The following ZNF254 variants were observed in gnomAD, a reference collection of about 807,000 sequenced individuals.
ZNF254 encodes zinc finger protein 254, also known as CTD-2017D11.1.
Under a neutral mutation model 12.4 loss-of-function variants are expected in ZNF254, and 10 were observed. The observed-to-expected ratio is 0.80, with a 90% CI of 0.50 to 1.36. The LOEUF (loss-of-function observed/expected upper bound fraction) is 1.36, where lower values mean the gene tolerates loss of function less well. Ranked by LOEUF, ZNF254 falls within the 40% of genes most tolerant of loss-of-function variation. ZNF254 has a pLI of 0.00. For synonymous variants in ZNF254, 305 were observed against 253.4 expected, an observed-to-expected ratio of 1.20 and a Z score of -1.93; for missense variants, 996 against 763.9, an observed-to-expected ratio of 1.30 and a Z score of -3.58.
At position 24,127,237 on chromosome 19, in the gene ZNF254, A is replaced by T; in HGVS notation, c.1237A>T (p.Lys413Ter). ...EKLYKCEECGKGFNRSSNLTT... is the reference protein window; with the variant it reads ...EKLYKCEECG The stretch of plus-strand genomic sequence containing the variant: ...ACTCTACAAATGTGAAGAATGCGGC[A>T]AAGGTTTTAATCGATCTTCAAATCT... The change falls in exon 4 of 4, where the codon AAA becomes TAA. Residue 413 changes from lysine (K) to a stop codon, truncating the protein, a stop_gained. Transcript: ENST00000357002. LOFTEE classifies it low-confidence loss of function (END_TRUNC). The T allele has an allele frequency of 3.1e-6, 5 of 1,613,106 alleles. No homozygotes were observed. The highest frequency in any genetic ancestry group is 4.2e-6 in the Non-Finnish European group (5 of 1,179,612).
At chr19:24,081,851 A>C (rs372319414) in intron 2 of ZNF254, among the ~76,000 whole-genome samples, 9 of 152,366 alleles carry the variant, frequency 5.9e-5, no homozygotes, top group African/African-American at 2.2e-4. Context: ...CGATGGGTAC[A>C]GTATCTCACG....
At chr19:24,064,983 T>C (rs924941707) in intron 2 of ZNF254, among the ~76,000 whole-genome samples, 11 of 152,154 alleles carry the variant, frequency 7.2e-5, no homozygotes, top group Admixed American at 1.3e-4. Flanking sequence ...AAAGAAAAAT[T>C]TGTGGCAGAT....
chr19:24,076,476 G>A (rs1448322937), intron 2 of ZNF254, among the ~76,000 whole-genome samples: 2 of 152,128 alleles, frequency 1.3e-5, no homozygotes, highest in African/African-American at 4.8e-5. Flanking sequence ...GCTAAGTAAA[G>A]TGTATCTTGT....
chr19:24,073,534 C>T (rs1393401318), intron 2 of ZNF254, among the ~76,000 whole-genome samples: 1 of 152,174 alleles, frequency 6.6e-6, no homozygotes, highest in Non-Finnish European at 1.5e-5. Flanking sequence ...CATTGTGACA[C>T]ATGCACACCC....
chr19:24,106,800 C>A, intron 3 of ZNF254, 157 bp downstream of exon 3: 1 of 498,058 alleles, frequency 2.0e-6, no homozygotes, highest in South Asian at 2.5e-5. Context: ...ATAGGGGCAT[C>A]TTCTGCTTAT....
chr19:24,122,518 C>G (rs748028358), intron 3 of ZNF254, among the ~76,000 whole-genome samples: 14 of 152,188 alleles, frequency 9.2e-5, no homozygotes, highest in Non-Finnish European at 1.5e-4. Flanking sequence ...AACCACCATG[C>G]CTGGCCCCAA....
intron 3 of ZNF254, among the ~76,000 whole-genome samples, chr19:24,113,516 G>A (rs1228894211): frequency 1.3e-5 from 2 of 152,094 alleles, no homozygotes; most frequent in East Asian, 3.9e-4. Context: ...AATAAATTAG[G>A]TATTGATGTG....
intron 2 of ZNF254, among the ~76,000 whole-genome samples, chr19:24,049,214 A>ATATATATATTTT (rs1160333151): frequency 9.8e-5 from 4 of 40,856 alleles, no homozygotes; most frequent in Admixed American, 3.8e-4. Flanking sequence ...ATATATATAT[A>ATATATATATTTT]TTTTTTTTTT....
intron 1 of ZNF254, among the ~76,000 whole-genome samples, chr19:24,040,298 G>C (rs1399064635): frequency 6.6e-6 from 1 of 152,260 alleles, no homozygotes; most frequent in African/African-American, 2.4e-5. Flanking sequence ...CTGGAGCTCA[G>C]AATTTTTCCA....
chr19:24,115,770 G>A (rs1386303060), intron 3 of ZNF254, among the ~76,000 whole-genome samples: 1 of 152,148 alleles, frequency 6.6e-6, no homozygotes, highest in Non-Finnish European at 1.5e-5. Context: ...CTCGTTAGTT[G>A]ATGCAGTGTC....
chr19:24,113,713 G>T (rs1029697360), intron 3 of ZNF254, among the ~76,000 whole-genome samples: 1 of 152,068 alleles, frequency 6.6e-6, no homozygotes, highest in Non-Finnish European at 1.5e-5. Context: ...GGAAATAAAG[G>T]GTATTCAATT....
Position 24,127,337 on chromosome 19 carries a change from C to T in ZNF254, c.1337C>T (p.Ser446Phe). 6.2e-7 allele frequency: 1 copy of T among 1,613,522 alleles called. No homozygotes were observed. Among genetic ancestry groups the T allele is most frequent in the Non-Finnish European group, 8.5e-7 (1 of 1,179,782 alleles). The change falls in exon 4 of 4, where the codon TCC (serine) becomes TTC (phenylalanine). Residue 446 changes from serine to phenylalanine, a missense_variant. Coordinates refer to ENST00000357002, the MANE Select transcript of ZNF254 (RefSeq NM_203282.4). ...GAATGTGGCAAAGCATTTATCTGGT[C>T]CTCAACCCTTACTAAACATAAGAGA... ...CEECGKAFIW[S>F]STLTKHKRIH...
rs1975036717 is a variant in ZNF254 at position 24,128,273 on chromosome 19, T to C, written c.*293T>C. 3.3e-6 allele frequency: 1 copy of C among 304,208 alleles called. No homozygotes were observed. The highest frequency in any genetic ancestry group is 6.0e-6 in the Non-Finnish European group (1 of 166,930). The allele number at this position is 304,208 out of a possible 1,614,324, so 18.8% of individuals were successfully genotyped here. On this transcript the variant is annotated 3_prime_UTR_variant, in exon 4 of 4. Coordinates refer to ENST00000357002, the MANE Select transcript of ZNF254 (RefSeq NM_203282.4). ...ACCCTATTGCACAGGAAAGCATTTA[T>C]ACTTGAGAAGAAATGTACAAATATT...
At chr19:24,041,948 A>T (rs2145205955) in intron 1 of ZNF254, among the ~76,000 whole-genome samples, 1 of 151,962 alleles carries the variant, frequency 6.6e-6, no homozygotes, top group East Asian at 1.9e-4. Flanking sequence ...GGGATTGTAA[A>T]TACACCAATC....
intron 1 of ZNF254, among the ~76,000 whole-genome samples, chr19:24,101,177 T>C (rs923139702): frequency 6.6e-6 from 1 of 152,128 alleles, no homozygotes; most frequent in African/African-American, 2.4e-5. Context: ...AAATATTATT[T>C]AGAATTTTCT....
exon 1 of ZNF254, chr19:24,033,521 G>C: frequency 4.5e-6 from 1 of 224,234 alleles, no homozygotes; most frequent in South Asian, 4.6e-5. Context: ...TCCACCTCGG[G>C]AGCCCCTGGG....
At chr19:24,083,092 T>G (rs548948259), upstream of ZNF254, among the ~76,000 whole-genome samples, 1 of 152,268 alleles carries the variant, frequency 6.6e-6, no homozygotes, top group African/African-American at 2.4e-5. Context: ...AAAAAGCATC[T>G]AGATCTGATC....
At chr19:24,039,373 T>C (rs569424349) in intron 1 of ZNF254, among the ~76,000 whole-genome samples, 143 of 152,318 alleles carry the variant, frequency 9.4e-4, no homozygotes, top group African/African-American at 3.3e-3. Flanking sequence ...TGCAACCCCA[T>C]CTCCTATGTG....
At chr19:24,073,094 A>G (rs1568439459) in intron 2 of ZNF254, among the ~76,000 whole-genome samples, 1 of 152,230 alleles carries the variant, frequency 6.6e-6, no homozygotes, top group Non-Finnish European at 1.5e-5. Flanking sequence ...CATTTTATAT[A>G]AAGTCTTTGG....
Sources: gnomAD v4.1 joint callset for allele counts (sites outside exome capture counted in the v4.1 genomes callset) on GRCh38, gnomAD v4.1.1 for gene constraint, MANE v1.5 for transcripts, NCBI Gene and HGNC (gene_info 2026-07-23, HGNC 2026-07-21) for gene names.